Variants in TRIM62 observed in about 807,000 individuals in gnomAD.
TRIM62 encodes the protein tripartite motif containing 62, also known as E3 ubiquitin-protein ligase TRIM62.
A neutral mutation model predicts 44.2 loss-of-function variants in TRIM62; 39 were observed. The observed-to-expected ratio is 0.88, with a 90% CI of 0.68 to 1.15. The LOEUF (loss-of-function observed/expected upper bound fraction) is 1.15, where lower values mean the gene tolerates loss of function less well. Ranked by LOEUF, TRIM62 falls within the 50% of genes most tolerant of loss-of-function variation. The pLI, the probability that TRIM62 is intolerant of heterozygous loss-of-function variation, is 0.00. For synonymous variants in TRIM62, 278 were observed against 292.3 expected (o/e 0.95, Z 0.50); for missense variants, 544 against 665.5 (o/e 0.82, Z 2.01).
chr1:33,174,271 T>A (rs886511275), intron 1 of TRIM62, among the ~76,000 whole-genome samples: 1 of 151,944 alleles, frequency 6.6e-6, no homozygotes, highest in Non-Finnish European at 1.5e-5. Flanking sequence ...AGTTTCAACC[T>A]CCTGGGCTCA....
In TRIM62 at chr1:33,146,074, T is replaced by G; in HGVS notation, c.*1103A>C. ...TTCTGGCATAGTGGCTTCCTGCAGA[T>G]GGGGGCAGCTTTCCTGGTCACAACA... On this transcript the variant is annotated 3_prime_UTR_variant, in exon 5 of 5. Transcript: ENST00000291416. The G allele has an allele frequency of 2.8e-6, 1 of 352,198 alleles. No homozygotes were observed. Among genetic ancestry groups the G allele is most frequent in the Non-Finnish European group, 5.7e-6 (1 of 176,502 alleles). 21.8% of individuals were successfully genotyped at this position (352,198 alleles called of 1,614,324 possible). A position where few individuals can be genotyped will look rare whatever the true frequency, so the allele number is the denominator to read the frequency against.
chr1:33,146,838 C>T lies in TRIM62; in HGVS notation c.*339G>A. On this transcript the variant is annotated 3_prime_UTR_variant, in exon 5 of 5. Coordinates refer to ENST00000291416, the MANE Select transcript of TRIM62 (RefSeq NM_018207.3). ...GCCATGCTCTGACACTTCCTGAGGT[C>T]AGGGCTGGGCTGGAGGGAGACACTG... The T allele has an allele frequency of 2.8e-6, 1 of 352,168 alleles. No homozygotes were observed. 21.8% of individuals were successfully genotyped at this position (352,168 alleles called of 1,614,324 possible).
At chr1:33,170,340 C>G (rs965657770) in intron 1 of TRIM62, among the ~76,000 whole-genome samples, 1 of 151,734 alleles carries the variant, frequency 6.6e-6, no homozygotes, top group African/African-American at 2.4e-5. Flanking sequence ...AAAAAATCTC[C>G]CCTACTAGAT....
Position 33,181,002 on chromosome 1 carries a change from C to T in TRIM62, c.408+23G>A, listed in dbSNP as rs1395020331. The T allele has an allele frequency of 6.8e-7, 1 of 1,467,596 alleles. No individual in the cohort carries two copies. The highest frequency in any genetic ancestry group is 9.1e-7 in the Non-Finnish European group (1 of 1,102,888). 90.9% of individuals were successfully genotyped at this position (1,467,596 alleles called of 1,614,324 possible). A position where few individuals can be genotyped will look rare whatever the true frequency, so the allele number is the denominator to read the frequency against. On this transcript the variant is annotated intron_variant, in intron 1 of 4. Coordinates refer to ENST00000291416, the MANE Select transcript of TRIM62 (RefSeq NM_018207.3). The surrounding 1 kb of genome is among the most constrained non-coding windows in gnomAD (Gnocchi z 6.5). ...ACCTCCAGCCCGGCCCCGCCCCTTCCCCAGGCAGGCCGGGTAGCGCACCTG... is the reference window on the plus strand; with the variant it reads ...ACCTCCAGCCCGGCCCCGCCCCTTCTCCAGGCAGGCCGGGTAGCGCACCTG...
At chr1:33,178,262 G>C (rs1645436681) in intron 1 of TRIM62, among the ~76,000 whole-genome samples, 1 of 152,196 alleles carries the variant, frequency 6.6e-6, no homozygotes, top group South Asian at 2.1e-4. Flanking sequence ...TCAGCTGCTG[G>C]GAGAGAAGGG....
intron 1 of TRIM62, among the ~76,000 whole-genome samples, chr1:33,169,886 T>G (rs889754951): frequency 1.3e-5 from 2 of 152,116 alleles, no homozygotes; most frequent in African/African-American, 2.4e-5. Context: ...CTCGCAGGGC[T>G]CTCCAGGCCT....
chr1:33,147,696 T>G lies in TRIM62; in HGVS notation c.909A>C (p.Thr303=). Residue 303 remains threonine (T), a synonymous_variant, in exon 5 of 5, where the codon ACA becomes ACC. Transcript: ENST00000291416. The surrounding 1 kb of genome is among the most constrained non-coding windows in gnomAD (Gnocchi z 8.1). ...CCGACAGGATCAGGCGCTGGTGGGCTGTGCCCGGGTCCAGGGTTAGGGCGG... is the reference window on the plus strand; with the variant it reads ...CCGACAGGATCAGGCGCTGGTGGGCGGTGCCCGGGTCCAGGGTTAGGGCGG... ...VPAALTLDPG[T]AHQRLILSDD... is the part of the protein sequence containing the mutation. 1 of 1,613,194 alleles carries G rather than the reference T, an allele frequency of 6.2e-7. No individual in the cohort carries two copies. Among genetic ancestry groups the G allele is most frequent in the Non-Finnish European group, 8.5e-7 (1 of 1,179,636 alleles).
intron 2 of TRIM62, among the ~76,000 whole-genome samples, chr1:33,162,509 C>T (rs1465252309): frequency 2.0e-5 from 3 of 152,218 alleles, no homozygotes; most frequent in Admixed American, 1.3e-4. Context: ...AATGACATCT[C>T]CCTCGGCTCT....
At chr1:33,174,037 A>G (rs1645394802) in intron 1 of TRIM62, among the ~76,000 whole-genome samples, 1 of 152,176 alleles carries the variant, frequency 6.6e-6, no homozygotes, top group Non-Finnish European at 1.5e-5. Flanking sequence ...GAGGTAAAAT[A>G]TACATATATA....
At position 33,147,542 on chromosome 1, in the gene TRIM62, C is replaced by T; in HGVS notation, c.1063G>A (p.Val355Met). ...CACTGGGTCTTCTCCGCCACCACCA[C>T]CTCCCAGTAGTGGACGCCACTACTG... ...AFSSGVHYWE[V>M]VVAEKTQWVI... is the part of the protein sequence containing the mutation. Residue 355 changes from valine (V) to methionine (M), a missense_variant, in exon 5 of 5, where the codon GTG becomes ATG. Transcript: ENST00000291416. This position sits in a 1 kb window ranked among gnomAD's most constrained non-coding sequence, Gnocchi z 8.1. The T allele has an allele frequency of 6.2e-7, 1 of 1,614,040 alleles. No individual in the cohort carries two copies. Among genetic ancestry groups the T allele is most frequent in the Non-Finnish European group, 8.5e-7 (1 of 1,180,016 alleles).
intron 1 of TRIM62, among the ~76,000 whole-genome samples, chr1:33,170,772 T>C (rs1235900713): frequency 6.6e-6 from 1 of 152,174 alleles, no homozygotes; most frequent in Admixed American, 6.5e-5. Context: ...CTACCACCCA[T>C]TGGGCTGTGT....
chr1:33,165,295 T>C lies in TRIM62; in HGVS notation c.504+176A>G. ...TGGGGTGGGTGCCGCCCCATTGAAC[T>C]TCACGGATGCCCTACCCTCTTCCCC... On this transcript the variant is annotated intron_variant, in intron 2 of 4. Coordinates refer to ENST00000291416, the MANE Select transcript of TRIM62 (RefSeq NM_018207.3). This position sits in a 1 kb window ranked among gnomAD's most constrained non-coding sequence, Gnocchi z 4.0. The C allele has an allele frequency of 1.8e-6, 1 of 556,610 alleles. No individual in the cohort carries two copies. The highest frequency in any genetic ancestry group is 3.2e-6 in the Non-Finnish European group (1 of 317,324). 34.5% of individuals were successfully genotyped at this position (556,610 alleles called of 1,614,324 possible).
intron 1 of TRIM62, among the ~76,000 whole-genome samples, chr1:33,175,779 T>A (rs1645414356): frequency 1.3e-5 from 2 of 152,048 alleles, no homozygotes; most frequent in African/African-American, 2.4e-5. Context: ...CTTGTGAGAA[T>A]CAAATGCCTA....
chr1:33,159,760 T>G lies in TRIM62; in HGVS notation c.689A>C (p.Gln230Pro). ...TTCAGCCAGCCGCTCCTGCAGGATC[T>G]GGGCTCCCTCCTGGACCTTGCGCAG... ...QQLRKVQEGA[Q>P]ILQERLAETD... is the part of the protein sequence containing the mutation. Residue 230 changes from glutamine (Q) to proline (P), a missense_variant, in exon 3 of 5, where the codon CAG (glutamine) becomes CCG (proline). Gln to Pro is a moderately conservative substitution (Grantham distance 76, BLOSUM62 -1). Transcript: ENST00000291416. The surrounding 1 kb of genome is among the most constrained non-coding windows in gnomAD (Gnocchi z 4.2). The G allele has an allele frequency of 6.2e-7, 1 of 1,613,594 alleles. No individual in the cohort carries two copies. The highest frequency in any genetic ancestry group is 8.5e-7 in the Non-Finnish European group (1 of 1,179,968).
Position 33,181,093 on chromosome 1 carries a change from A to G in TRIM62, c.340T>C (p.Cys114Arg). The change falls in exon 1 of 5, where the codon TGC becomes CGC. Residue 114 changes from cysteine to arginine, a missense_variant. Coordinates refer to ENST00000291416, the MANE Select transcript of TRIM62 (RefSeq NM_018207.3). The surrounding 1 kb of genome is among the most constrained non-coding windows in gnomAD (Gnocchi z 6.5). ...LTDRALLCFF[C>R]DEPALHEQHQ... ...TGCTCGTGCAGTGCAGGCTCGTCGCAGAAGAAGCAGAGAAGCGCGCGGTCC... is the reference window on the plus strand; with the variant it reads ...TGCTCGTGCAGTGCAGGCTCGTCGCGGAAGAAGCAGAGAAGCGCGCGGTCC... 2 of 1,599,488 alleles carry G rather than the reference A, an allele frequency of 1.3e-6. No individual in the cohort carries two copies. Among genetic ancestry groups the G allele is most frequent in the South Asian group, 2.2e-5 (2 of 90,690 alleles).
rs963253147 is a variant in TRIM62 at position 33,146,938 on chromosome 1, C to T, written c.*239G>A. On this transcript the variant is annotated 3_prime_UTR_variant, in exon 5 of 5. Transcript: ENST00000291416. The stretch of plus-strand genomic sequence containing the variant: ...GTTGCCCTGAGGAGAAGCCATGTCA[C>T]ATCCTTGGATCAAAGCTGTATCCCT... 5.8e-5 allele frequency: 32 copies of T among 556,494 alleles called. No homozygotes were observed. Among genetic ancestry groups the T allele is most frequent in the Non-Finnish European group, 7.7e-5 (24 of 312,846 alleles). The allele number at this position is 556,494 out of a possible 1,614,324, so 34.5% of individuals were successfully genotyped here.
At position 33,147,860 on chromosome 1, in the gene TRIM62, A is replaced by G; in HGVS notation, c.878-133T>C. 1.0e-6 allele frequency: 1 copy of G among 996,188 alleles called. No homozygotes were observed. Among genetic ancestry groups the G allele is most frequent in the South Asian group, 1.7e-5 (1 of 60,266 alleles). The allele number at this position is 996,188 out of a possible 1,614,324, so 61.7% of individuals were successfully genotyped here. On this transcript the variant is annotated intron_variant, in intron 4 of 4. Transcript: ENST00000291416. The surrounding 1 kb of genome is among the most constrained non-coding windows in gnomAD (Gnocchi z 8.1). ...GACCTGCTGTGTGACCTTGAATACA[A>G]GTCTGCCCTCTCTGGGCCTCATCTT...
chr1:33,181,630 G>A lies in TRIM62; in HGVS notation c.-198C>T, dbSNP rs1645465311. ...AAGGGGTGCGCGGCTGAGACTCCGT[G>A]GGACGCCAGCCCGGGAGGGCAGTCT... On this transcript the variant is annotated 5_prime_UTR_variant, in exon 1 of 5. Coordinates refer to ENST00000291416, the MANE Select transcript of TRIM62 (RefSeq NM_018207.3). The surrounding 1 kb of genome is among the most constrained non-coding windows in gnomAD (Gnocchi z 6.5). The A allele has an allele frequency of 5.9e-6, 6 of 1,016,546 alleles. No individual in the cohort carries two copies. The highest frequency in any genetic ancestry group is 8.2e-6 in the Non-Finnish European group (6 of 732,600). 63.0% of individuals were successfully genotyped at this position (1,016,546 alleles called of 1,614,324 possible).
At chr1:33,176,500 G>A in intron 1 of TRIM62, 1 of 673,470 alleles carries the variant, frequency 1.5e-6, no homozygotes, top group Non-Finnish European at 2.8e-6. Context: ...GGCCTGGAGG[G>A]GGCGGCTGAG....
Sources: allele counts gnomAD v4.1 joint callset (sites outside exome capture counted in the v4.1 genomes callset), GRCh38; gene constraint gnomAD v4.1.1; non-coding constraint Gnocchi (gnomAD v3.1); transcripts MANE v1.5; gene names NCBI Gene and HGNC (gene_info 2026-07-23, HGNC 2026-07-21).